MINDY3: variants seen among roughly 807,000 people sequenced by gnomAD.
The protein encoded by MINDY3 is MINDY lysine 48 deubiquitinase 3.
Under a neutral mutation model 69.2 loss-of-function variants are expected in MINDY3, and 38 were observed. That is an observed-to-expected ratio of 0.55 (90% CI 0.42 to 0.72). MINDY3 has a LOEUF of 0.72. Ranked by LOEUF, MINDY3 falls within the 30% of genes least tolerant of loss-of-function variation. MINDY3 has a pLI of 0.00. For missense variants in MINDY3, 522 were observed against 519.0 expected, an observed-to-expected ratio of 1.01 and a Z score of -0.06; for synonymous variants, 192 against 180.1, an observed-to-expected ratio of 1.07 and a Z score of -0.53.
intron 11 of MINDY3, among the ~76,000 whole-genome samples, chr10:15,791,090 A>G (rs73589628): frequency 0.013 from 1,959 of 152,310 alleles, 47 homozygotes; most frequent in African/African-American, 0.044. Context: ...TCTGAAGTGT[A>G]ACCATAACTG....
intron 3 of MINDY3, among the ~76,000 whole-genome samples, chr10:15,842,760 G>T (rs1833562519): frequency 2.0e-5 from 3 of 151,790 alleles, no homozygotes; most frequent in Admixed American, 1.3e-4. Flanking sequence ...GGGTACAGAA[G>T]CTCATGTTAC....
At chr10:15,790,741 T>C in intron 11 of MINDY3, among the ~76,000 whole-genome samples, 1 of 152,134 alleles carries the variant, frequency 6.6e-6, no homozygotes, top group East Asian at 1.9e-4. Flanking sequence ...TTTGCAAATA[T>C]ATAATGGCTG....
At chr10:15,853,030 G>C (rs938646379) in intron 1 of MINDY3, among the ~76,000 whole-genome samples, 2 of 152,112 alleles carry the variant, frequency 1.3e-5, no homozygotes, top group Non-Finnish European at 2.9e-5. Context: ...ATACTGCAGA[G>C]CGTCTATGGA....
chr10:15,800,725 T>C (rs775938855), intron 10 of MINDY3, among the ~76,000 whole-genome samples: 1 of 152,150 alleles, frequency 6.6e-6, no homozygotes. Context: ...GCTGCTGTGG[T>C]TGCTCACTAT....
intron 10 of MINDY3, among the ~76,000 whole-genome samples, chr10:15,808,058 A>T (rs1251171975): frequency 6.6e-6 from 1 of 152,180 alleles, no homozygotes; most frequent in Non-Finnish European, 1.5e-5. Context: ...TGTGATTAAA[A>T]ATTTACATAC....
At chr10:15,796,900 T>C (rs1837879966) in intron 10 of MINDY3, among the ~76,000 whole-genome samples, 1 of 152,066 alleles carries the variant, frequency 6.6e-6, no homozygotes, top group Non-Finnish European at 1.5e-5. Context: ...TTGACACACA[T>C]GAATCTAAAA....
intron 3 of MINDY3, among the ~76,000 whole-genome samples, chr10:15,842,995 C>T (rs1055535560): frequency 3.3e-5 from 5 of 150,930 alleles, no homozygotes; most frequent in Admixed American, 6.6e-5. Context: ...AGAGGCCAAA[C>T]GTTTTTCCCT....
At chr10:15,856,680 A>T (rs1834714565) in intron 1 of MINDY3, among the ~76,000 whole-genome samples, 1 of 152,210 alleles carries the variant, frequency 6.6e-6, no homozygotes, top group South Asian at 2.1e-4. Flanking sequence ...GGCAATAAAA[A>T]GGCCACTCAC....
chr10:15,837,371 C>T, intron 5 of MINDY3, 53 bp from the exon 6 acceptor site: 6 of 1,364,010 alleles, frequency 4.4e-6, no homozygotes, highest in Non-Finnish European at 6.1e-6. Context: ...TAACTACATT[C>T]ATAAAAGGGA....
rs1202523650 is a variant in MINDY3, at chr10:15,841,535, G to A, written c.300C>T (p.Asp100=). The A allele has an allele frequency of 1.2e-6, 2 of 1,611,430 alleles. No homozygotes were observed. Among genetic ancestry groups the A allele is most frequent in the East Asian group, 2.2e-5 (1 of 44,734 alleles). The change falls in exon 4 of 15, where the codon GAC becomes GAT. Residue 100 remains aspartate, a synonymous_variant. Coordinates refer to ENST00000277632, the MANE Select transcript of MINDY3 (RefSeq NM_024948.4). ...AAACCAAGCAGTATGATCCAGAGTGGTCACAACAAGCACTTTCTAAAATAT... is the reference window on the plus strand; with the variant it reads ...AAACCAAGCAGTATGATCCAGAGTGATCACAACAAGCACTTTCTAAAATAT... ...LCDILESACC[D]HSGSYCLVSW... is the part of the protein sequence containing the mutation.
intron 2 of MINDY3, among the ~76,000 whole-genome samples, chr10:15,847,445 A>C (rs573105789): frequency 5.3e-5 from 8 of 152,356 alleles, no homozygotes; most frequent in African/African-American, 1.9e-4. Flanking sequence ...AAATTTGAAA[A>C]AGTTATAAGC....
chr10:15,813,023 C>CT (rs147071653), intron 10 of MINDY3, among the ~76,000 whole-genome samples: 2,477 of 152,168 alleles, frequency 0.016, 84 homozygotes, highest in African/African-American at 0.057. Flanking sequence ...CTAGAGAAGT[C>CT]TTTTTTACCT....
chr10:15,852,577 G>C (rs993346430), intron 1 of MINDY3, among the ~76,000 whole-genome samples: 3 of 152,056 alleles, frequency 2.0e-5, no homozygotes, highest in Non-Finnish European at 4.4e-5. Context: ...TGAGCTCCTA[G>C]AAAGGAAAAA....
chr10:15,791,354 G>A (rs1328076444), intron 11 of MINDY3, among the ~76,000 whole-genome samples: 1 of 151,764 alleles, frequency 6.6e-6, no homozygotes, highest in Non-Finnish European at 1.5e-5. Flanking sequence ...TGACTCCCTA[G>A]AGAATAAGGA....
At chr10:15,780,271 GA>G (rs1836420488) in intron 14 of MINDY3, among the ~76,000 whole-genome samples, 1 of 152,062 alleles carries the variant, frequency 6.6e-6, no homozygotes, top group Non-Finnish European at 1.5e-5. Flanking sequence ...TCATTCCTAA[GA>G]AAGTGCTAAA....
chr10:15,852,384 G>A (rs1295327958), intron 1 of MINDY3, among the ~76,000 whole-genome samples: 1 of 152,162 alleles, frequency 6.6e-6, no homozygotes, highest in East Asian at 1.9e-4. Context: ...ATGTAAGTGT[G>A]TAGTTCAGGG....
intron 14 of MINDY3, 40 bp downstream of exon 14, chr10:15,782,115 C>T (rs1346859523): frequency 2.9e-6 from 4 of 1,397,858 alleles, no homozygotes; most frequent in Non-Finnish European, 4.0e-6. Context: ...ATTATTTCAT[C>T]AACCCAGTTG....
intron 10 of MINDY3, among the ~76,000 whole-genome samples, chr10:15,814,994 TA>T (rs1357199309): frequency 6.6e-6 from 1 of 152,232 alleles, no homozygotes; most frequent in Admixed American, 6.5e-5. Flanking sequence ...TTATAAAATT[TA>T]AGATTTAAAA....
At position 15,804,717 on chromosome 10, in the gene MINDY3, T is replaced by C. The variant is rs184783188; in HGVS notation, c.883-8545A>G. ...TAATGTTTCACCTTTAGTCTTTGCT[T>C]ACTATCTGTATTTATGAACAAATAA... On this transcript the variant is annotated intron_variant, in intron 10 of 14. Transcript: ENST00000277632. 2.2e-3 allele frequency among the ~76,000 whole-genome samples: 329 copies of C among 152,312 alleles called. 2 individuals are homozygous for C. The highest frequency in any genetic ancestry group is 6.5e-3 in the African/African-American group (269 of 41,564).
Sources: gnomAD v4.1 joint callset for allele counts (sites outside exome capture counted in the v4.1 genomes callset) on GRCh38, gnomAD v4.1.1 for gene constraint, MANE v1.5 for transcripts, NCBI Gene and HGNC (gene_info 2026-07-23, HGNC 2026-07-21) for gene names.